The following CNOT2 variants were observed in gnomAD, a reference collection of about 807,000 sequenced individuals.
CNOT2 encodes CCR4-NOT transcription complex subunit 2.
Under a neutral mutation model 72.1 loss-of-function variants are expected in CNOT2, and 7 were observed. The observed-to-expected ratio is 0.10, with a 90% CI of 0.06 to 0.18. CNOT2 has a LOEUF of 0.18. Ranked by LOEUF, CNOT2 falls within the 10% of genes least tolerant of loss-of-function variation. The probability of loss-of-function intolerance (pLI) is 1.00; values close to 1 mark genes in which losing one functional copy is unlikely to be tolerated. For synonymous variants in CNOT2, 196 were observed against 225.6 expected (o/e 0.87, Z 1.17); for missense variants, 345 against 660.3 (o/e 0.52, Z 5.23).
rs1404909457 is a variant in CNOT2 at position 70,243,433 on chromosome 12, G to GGTGGATACGTCGCCATC, written c.-142_-126dup. ...AGGTCTTGCTCCCAGCAGCCTCCGC[G>GGTGGATACGTCGCCATC]GTGGATACGTCGCCATCTTGGATCC... On this transcript the variant is annotated 5_prime_UTR_variant, in exon 1 of 16. Transcript: ENST00000229195. 6.6e-6 allele frequency: 1 copy of GGTGGATACGTCGCCATC among 152,570 alleles called. No homozygotes were observed. Among genetic ancestry groups the GGTGGATACGTCGCCATC allele is most frequent in the African/African-American group, 2.4e-5 (1 of 41,428 alleles). The allele number at this position is 152,570 out of a possible 1,614,324, so 9.5% of individuals were successfully genotyped here. A position where few individuals can be genotyped will look rare whatever the true frequency, so the allele number is the denominator to read the frequency against.
At chr12:70,314,568 C>G (rs1353374175) in intron 3 of CNOT2, among the ~76,000 whole-genome samples, 1 of 152,022 alleles carries the variant, frequency 6.6e-6, no homozygotes, top group African/African-American at 2.4e-5. Context: ...TCAGCTGTAA[C>G]CTGACATTCA....
At chr12:70,332,483 A>G (rs548972055) in intron 6 of CNOT2, 1 of 247,592 alleles carries the variant, frequency 4.0e-6, no homozygotes, top group East Asian at 9.2e-5. Context: ...CAAGTACACA[A>G]AATGGTGCCC....
At chr12:70,271,328 G>A (rs948635522) in intron 1 of CNOT2, among the ~76,000 whole-genome samples, 1 of 149,582 alleles carries the variant, frequency 6.7e-6, no homozygotes, top group Non-Finnish European at 1.5e-5. Context: ...ATCAATTACT[G>A]ACAAGAGGGA....
intron 2 of CNOT2, among the ~76,000 whole-genome samples, chr12:70,304,682 C>A (rs541565545): frequency 9.8e-5 from 15 of 152,344 alleles, no homozygotes; most frequent in African/African-American, 3.1e-4. Flanking sequence ...GCTGGTAGAA[C>A]CACTACTCTC....
chr12:70,243,318 G>T, upstream of CNOT2: 1 of 152,782 alleles, frequency 6.5e-6, no homozygotes. Flanking sequence ...CCACCCCATC[G>T]CTGCCGTTTT....
intron 1 of CNOT2, among the ~76,000 whole-genome samples, chr12:70,252,650 T>C (rs1346241742): frequency 6.6e-6 from 1 of 152,214 alleles, no homozygotes; most frequent in Non-Finnish European, 1.5e-5. Context: ...TTTTACATGA[T>C]GTTCATAATG....
rs146802441 is a variant in CNOT2, at chr12:70,337,601, A to C, written c.900+88A>C. The C allele has an allele frequency of 4.2e-5, 54 of 1,286,464 alleles. No homozygotes were observed. In the East Asian group the frequency reaches 1.3e-3, roughly 31 times the overall value. 79.7% of individuals were successfully genotyped at this position (1,286,464 alleles called of 1,614,324 possible). Reference sequence around the variant, plus strand: ...TAACAATTACTTACTAAATACTATTACAAAACTGTTTTATCTTGATATCTG... The same window carrying C: ...TAACAATTACTTACTAAATACTATTCCAAAACTGTTTTATCTTGATATCTG... On this transcript the variant is annotated intron_variant, in intron 9 of 15. Transcript: ENST00000229195.
chr12:70,287,014 T>G (rs953413707), intron 2 of CNOT2, among the ~76,000 whole-genome samples: 2 of 152,102 alleles, frequency 1.3e-5, no homozygotes, highest in Admixed American at 6.5e-5. Flanking sequence ...ATCTCAATGT[T>G]GCTAAACTTT....
intron 1 of CNOT2, among the ~76,000 whole-genome samples, chr12:70,274,420 G>A (rs1485594393): frequency 6.6e-6 from 1 of 151,966 alleles, no homozygotes; most frequent in African/African-American, 2.4e-5. Flanking sequence ...AGAATGTAAT[G>A]TCTTCTGTTA....
intron 2 of CNOT2, among the ~76,000 whole-genome samples, chr12:70,283,135 T>C (rs981762880): frequency 6.6e-6 from 1 of 152,194 alleles, no homozygotes; most frequent in Admixed American, 6.5e-5. Flanking sequence ...TATTGTTAAG[T>C]GGCACATTAT....
chr12:70,315,480 A>G (rs565601266), intron 3 of CNOT2, among the ~76,000 whole-genome samples: 2 of 152,218 alleles, frequency 1.3e-5, no homozygotes, highest in East Asian at 3.9e-4. Context: ...TTTAAAAATA[A>G]TATTTTAAAA....
chr12:70,333,755 T>G (rs1880284037), intron 7 of CNOT2, among the ~76,000 whole-genome samples: 1 of 152,012 alleles, frequency 6.6e-6, no homozygotes, highest in Admixed American at 6.6e-5. Context: ...GAAAAAAGAT[T>G]CCAAATTTTA....
chr12:70,266,946 A>C (rs187796825), intron 1 of CNOT2, among the ~76,000 whole-genome samples: 136 of 150,260 alleles, frequency 9.1e-4, no homozygotes, highest in African/African-American at 3.3e-3. Context: ...TGCTTTTTTA[A>C]ATTTTCTGTT....
intron 1 of CNOT2, among the ~76,000 whole-genome samples, chr12:70,255,085 CTATGTTCATCGG>C (rs1958365747): frequency 1.3e-5 from 2 of 151,850 alleles, no homozygotes; most frequent in South Asian, 4.2e-4. Context: ...AAAGATTCTG[CTATGTTCATCGG>C]AGCAGGCCAG....
intron 1 of CNOT2, among the ~76,000 whole-genome samples, chr12:70,249,149 A>G (rs186842311): frequency 3.9e-4 from 59 of 152,148 alleles, no homozygotes; most frequent in African/African-American, 1.3e-3. Context: ...GTTTTGTGTC[A>G]TATCTGGCAA....
intron 1 of CNOT2, among the ~76,000 whole-genome samples, chr12:70,247,974 G>A (rs545109529): frequency 6.6e-6 from 1 of 152,264 alleles, no homozygotes; most frequent in South Asian, 2.1e-4. Context: ...AGCTTCTTAG[G>A]GAAGTGTGTG....
chr12:70,282,079 G>C (rs1220042907), intron 2 of CNOT2, among the ~76,000 whole-genome samples: 1 of 151,968 alleles, frequency 6.6e-6, no homozygotes, highest in Non-Finnish European at 1.5e-5. Context: ...CTTGGTGCTT[G>C]GTATGTAGAT....
At chr12:70,311,828 G>C (rs774412071) in intron 3 of CNOT2, among the ~76,000 whole-genome samples, 1 of 151,692 alleles carries the variant, frequency 6.6e-6, no homozygotes, top group Non-Finnish European at 1.5e-5. Flanking sequence ...ATCTACTCTA[G>C]CTATTAACCT....
chr12:70,314,379 A>T (rs1876967195), intron 3 of CNOT2, among the ~76,000 whole-genome samples: 1 of 151,610 alleles, frequency 6.6e-6, no homozygotes, highest in African/African-American at 2.4e-5. Context: ...AATAGTACCT[A>T]GCTCATGAAG....
Sources: allele counts gnomAD v4.1 joint callset (sites outside exome capture counted in the v4.1 genomes callset), GRCh38; gene constraint gnomAD v4.1.1; transcripts MANE v1.5; gene names NCBI Gene and HGNC (gene_info 2026-07-23, HGNC 2026-07-21).